TRAF7: variants seen among roughly 807,000 people sequenced by gnomAD.
TRAF7 encodes E3 ubiquitin-protein ligase TRAF7.
In TRAF7, 45 loss-of-function variants were observed where a neutral mutation model predicts 89.3. The observed-to-expected ratio is 0.50, with a 90% CI of 0.40 to 0.65. The LOEUF is 0.65. TRAF7 is among the 30% of genes least tolerant of loss of function. The probability of loss-of-function intolerance (pLI) is 0.00; values close to 1 mark genes in which losing one functional copy is unlikely to be tolerated. For synonymous variants in TRAF7, 406 were observed against 369.2 expected, an observed-to-expected ratio of 1.10 and a Z score of -1.14; for missense variants, 677 against 918.1, an observed-to-expected ratio of 0.74 and a Z score of 3.39.
chr16:2,167,687 C>A (rs1285447703), intron 3 of TRAF7, among the ~76,000 whole-genome samples: 2 of 152,192 alleles, frequency 1.3e-5, no homozygotes, highest in Admixed American at 1.3e-4. Flanking sequence ...AAATGGCACC[C>A]CCAGCTGCTG....
In TRAF7 at chr16:2,176,724, A is replaced by T. The variant is rs370666417; in HGVS notation, c.*150A>T. On this transcript the variant is annotated 3_prime_UTR_variant, in exon 21 of 21. Coordinates refer to ENST00000326181, the MANE Select transcript of TRAF7 (RefSeq NM_032271.3). ...AGCCGGGCAGTGCCCTCCCCGTCCC[A>T]TGCTCGGCGAGCCTCCCTCTACTCG... 2.3e-4 allele frequency: 263 copies of T among 1,163,522 alleles called. 3 individuals are homozygous for T. The East Asian group carries it at 3.6e-3, about 16-fold the overall frequency. The allele number at this position is 1,163,522 out of a possible 1,614,324, so 72.1% of individuals were successfully genotyped here.
At chr16:2,174,208 G>A in intron 13 of TRAF7, 43 bp from the exon 14 acceptor site, 1 of 1,605,322 alleles carries the variant, frequency 6.2e-7, no homozygotes, top group Non-Finnish European at 8.5e-7. Flanking sequence ...CCTTGACACT[G>A]GGCTGACCTT....
Position 2,162,824 on chromosome 16 carries a change from G to A in TRAF7, c.-38-1059G>A, listed in dbSNP as rs557008748. 2.6e-4 allele frequency among the ~76,000 whole-genome samples: 39 copies of A among 152,206 alleles called. No individual in the cohort carries two copies. The highest frequency in any genetic ancestry group is 7.0e-4 in the African/African-American group (29 of 41,566). On this transcript the variant is annotated intron_variant, in intron 1 of 20. Coordinates refer to ENST00000326181, the MANE Select transcript of TRAF7 (RefSeq NM_032271.3). The surrounding 1 kb of genome is among the most constrained non-coding windows in gnomAD (Gnocchi z 5.0). ...CCCACAGGGAGCTCAGCTTCAAGCC[G>A]GGGCTCGGCTGCGCTATCCGCTGCC... is the stretch of plus-strand genomic sequence containing the variant.
intron 3 of TRAF7, among the ~76,000 whole-genome samples, chr16:2,167,133 A>G (rs1205926613): frequency 6.6e-6 from 1 of 151,456 alleles, no homozygotes; most frequent in Non-Finnish European, 1.5e-5. Context: ...GTGCCTTTTC[A>G]TCTACCCTTA....
rs2093094856 is a variant in TRAF7, at chr16:2,168,261, G to A, written c.231+93G>A. ...AGGTCCCAGGAGGAGTTGACAGTGA[G>A]CTGGTGAGGCACAGGAGAAGAAGAG... On this transcript the variant is annotated intron_variant, in intron 4 of 20. Coordinates refer to ENST00000326181, the MANE Select transcript of TRAF7 (RefSeq NM_032271.3). This position sits in a 1 kb window ranked among gnomAD's most constrained non-coding sequence, Gnocchi z 4.1. 9.4e-7 allele frequency: 1 copy of A among 1,062,608 alleles called. No individual in the cohort carries two copies. The highest frequency in any genetic ancestry group is 1.6e-5 in the African/African-American group (1 of 63,334). The allele number at this position is 1,062,608 out of a possible 1,614,324, so 65.8% of individuals were successfully genotyped here. A position where few individuals can be genotyped will look rare whatever the true frequency, so the allele number is the denominator to read the frequency against.
chr16:2,169,895 GC>G (rs1238302404), intron 4 of TRAF7, among the ~76,000 whole-genome samples: 26 of 152,312 alleles, frequency 1.7e-4, no homozygotes, highest in Middle Eastern at 3.4e-3. Context: ...CAGCAGCTGG[GC>G]CCCTCTGCAG....
intron 3 of TRAF7, among the ~76,000 whole-genome samples, chr16:2,167,526 G>A (rs1001405817): frequency 6.6e-6 from 1 of 152,208 alleles, no homozygotes; most frequent in African/African-American, 2.4e-5. Flanking sequence ...ACCAAAGCTG[G>A]GGCCACTTCC....
intron 2 of TRAF7, among the ~76,000 whole-genome samples, 158 bp downstream of exon 2, chr16:2,164,159 TGCGCGC>T (rs61245743): frequency 0.11 from 13,600 of 126,026 alleles, 801 homozygotes; most frequent in Admixed American, 0.13. Flanking sequence ...TGTGTGTGTG[TGCGCGC>T]GCGCGCGCGC....
intron 2 of TRAF7, among the ~76,000 whole-genome samples, chr16:2,164,627 C>T (rs530225251): frequency 1.4e-4 from 18 of 129,704 alleles, no homozygotes; most frequent in East Asian, 5.0e-4. Context: ...GTTAGTGCTG[C>T]GTGGCGCGGC....
Position 2,173,236 on chromosome 16 carries a change from C to T in TRAF7, c.849C>T (p.Arg283=), listed in dbSNP as rs1449955820. The T allele has an allele frequency of 1.2e-6, 2 of 1,612,858 alleles. No individual in the cohort carries two copies. The highest frequency in any genetic ancestry group is 1.7e-5 in the Admixed American group (1 of 59,960). ...ACGAGACCCACCTGGAGACTTGCCG[C>T]TTCGAGGGCCTGAAGGAGTTTCTGC... ...DTYETHLETC[R]FEGLKEFLQQ... Residue 283 remains arginine (R), a synonymous_variant, in exon 10 of 21, where the codon CGC becomes CGT. Coordinates refer to ENST00000326181, the MANE Select transcript of TRAF7 (RefSeq NM_032271.3).
At chr16:2,171,415 G>GCT in intron 6 of TRAF7, 59 bp downstream of exon 6, 1 of 1,532,982 alleles carries the variant, frequency 6.5e-7, no homozygotes, top group Non-Finnish European at 8.8e-7. Context: ...GGACCCCAGG[G>GCT]CTCTCGGGGG....
At position 2,175,512 on chromosome 16, in the gene TRAF7, G is replaced by T. The variant is rs759408908; in HGVS notation, c.1516G>T (p.Val506Leu). The change falls in exon 17 of 21, where the codon GTG (valine) becomes TTG (leucine). Residue 506 changes from valine (V) to leucine (L), a missense_variant. Physicochemically the swap from Val to Leu is conservative, Grantham distance 32 (BLOSUM62 1). Coordinates refer to ENST00000326181, the MANE Select transcript of TRAF7 (RefSeq NM_032271.3). ...SLKAIKVWDI[V>L]GTELKLKKEL... ...GCAATCCCTGCAGGTCTGGGACATC[G>T]TGGGCACTGAGCTGAAGTTGAAGAA... 1 of 1,613,356 alleles carries T rather than the reference G, an allele frequency of 6.2e-7. No homozygotes were observed. The highest frequency in any genetic ancestry group is 8.5e-7 in the Non-Finnish European group (1 of 1,179,972).
At chr16:2,174,970 C>A in intron 14 of TRAF7, 141 bp from the exon 15 acceptor site, 1 of 1,033,552 alleles carries the variant, frequency 9.7e-7, no homozygotes, top group Non-Finnish European at 1.5e-6. Context: ...AATAGGCTGA[C>A]GCTTAAGGAC....
In TRAF7 at chr16:2,173,161, GC is replaced by G; in HGVS notation, c.795-20del. 6.3e-7 allele frequency: 1 copy of G among 1,593,094 alleles called. No homozygotes were observed. The highest frequency in any genetic ancestry group is 1.1e-5 in the South Asian group (1 of 88,730). The stretch of plus-strand genomic sequence containing the variant: ...GCACCGGCAGGGACCCGCCAGGCAG[GC>G]AGCTGTCCTGTCCCCGCAGGTGCAC... On this transcript the variant is annotated intron_variant, in intron 9 of 20. Transcript: ENST00000326181.
At position 2,158,703 on chromosome 16, in the gene TRAF7, C is replaced by T. The variant is rs931515111; in HGVS notation, c.-39+2845C>T. The stretch of plus-strand genomic sequence containing the variant: ...GCAGGGCAGAAGGAAGGAGGGAGCC[C>T]GGGAGACCGAGCCACACAGGAAGCA... On this transcript the variant is annotated intron_variant, in intron 1 of 20. Coordinates refer to ENST00000326181, the MANE Select transcript of TRAF7 (RefSeq NM_032271.3). This position sits in a 1 kb window ranked among gnomAD's most constrained non-coding sequence, Gnocchi z 4.7. Among the ~76,000 whole-genome samples the T allele has an allele frequency of 2.9e-5, 4 of 138,712 alleles. No individual in the cohort carries two copies. Among genetic ancestry groups the T allele is most frequent in the Non-Finnish European group, 4.5e-5 (3 of 66,204 alleles). 91.0% of individuals were successfully genotyped at this position (138,712 alleles called of 152,430 possible). A position where few individuals can be genotyped will look rare whatever the true frequency, so the allele number is the denominator to read the frequency against.
chr16:2,177,368 G>A lies in TRAF7; in HGVS notation c.*794G>A, dbSNP rs529447044. The A allele has an allele frequency of 1.5e-3, 354 of 233,592 alleles. 1 individual carries two copies. Among genetic ancestry groups the A allele is most frequent in the Non-Finnish European group, 2.6e-3 (306 of 118,194 alleles). The allele number at this position is 233,592 out of a possible 1,614,324, so 14.5% of individuals were successfully genotyped here. A position where few individuals can be genotyped will look rare whatever the true frequency, so the allele number is the denominator to read the frequency against. On this transcript the variant is annotated 3_prime_UTR_variant, in exon 21 of 21. Coordinates refer to ENST00000326181, the MANE Select transcript of TRAF7 (RefSeq NM_032271.3). Reference sequence around the variant, plus strand: ...CCCTGCACGCCGGGACGCCACCTCCGCCAGCCGCCTCCACCCGCCCCACAC... The same window carrying A: ...CCCTGCACGCCGGGACGCCACCTCCACCAGCCGCCTCCACCCGCCCCACAC...
chr16:2,170,166 C>T (rs746913033), intron 4 of TRAF7, among the ~76,000 whole-genome samples: 36 of 152,156 alleles, frequency 2.4e-4, no homozygotes, highest in Non-Finnish European at 4.6e-4. Context: ...AGACAAGCAG[C>T]CAGGCCCGGG....
chr16:2,178,094 G>T lies in TRAF7; in HGVS notation c.*1520G>T. 2.0e-6 allele frequency: 1 copy of T among 502,696 alleles called. No individual in the cohort carries two copies. The highest frequency in any genetic ancestry group is 3.8e-6 in the Non-Finnish European group (1 of 260,178). The allele number at this position is 502,696 out of a possible 1,614,324, so 31.1% of individuals were successfully genotyped here. On this transcript the variant is annotated 3_prime_UTR_variant, in exon 21 of 21. Coordinates refer to ENST00000326181, the MANE Select transcript of TRAF7 (RefSeq NM_032271.3). Reference sequence around the variant, plus strand: ...TGTTTCTCTGGGGAAATCCGCCTCAGCTCATTCCCAATAAATTAATACTCT... The same window carrying T: ...TGTTTCTCTGGGGAAATCCGCCTCATCTCATTCCCAATAAATTAATACTCT...
intron 1 of TRAF7, among the ~76,000 whole-genome samples, chr16:2,160,379 C>T (rs969205437): frequency 5.9e-5 from 9 of 151,740 alleles, no homozygotes; most frequent in African/African-American, 1.9e-4. Flanking sequence ...TTTCAAAGAT[C>T]GAATACTCCT....
Sources: allele counts gnomAD v4.1 joint callset (sites outside exome capture counted in the v4.1 genomes callset), GRCh38; gene constraint gnomAD v4.1.1; non-coding constraint Gnocchi (gnomAD v3.1); transcripts MANE v1.5; gene names NCBI Gene and HGNC (gene_info 2026-07-23, HGNC 2026-07-21).